Variants in MYO3B observed in about 807,000 individuals in gnomAD.
MYO3B encodes the protein myosin IIIB, also known as myosin-IIIb.
In MYO3B, 156 loss-of-function variants were observed where a neutral mutation model predicts 174.6. The observed-to-expected ratio is 0.89, with a 90% CI of 0.78 to 1.02. The LOEUF is 1.02. Among genes scored for constraint, MYO3B ranks in the 50% least tolerant of loss-of-function variants. MYO3B has a pLI of 0.00. For synonymous variants in MYO3B, 563 were observed against 569.1 expected, an observed-to-expected ratio of 0.99 and a Z score of 0.15; for missense variants, 1,632 against 1,639.4, an observed-to-expected ratio of 1.00 and a Z score of 0.08.
intron 1 of MYO3B, among the ~76,000 whole-genome samples, chr2:170,180,872 T>G (rs2092390516): frequency 6.6e-6 from 1 of 152,218 alleles, no homozygotes; most frequent in Non-Finnish European, 1.5e-5. Context: ...CTATACACTA[T>G]TCAACACTTT....
chr2:170,366,488 C>G (rs1468308817), intron 8 of MYO3B, among the ~76,000 whole-genome samples: 2 of 151,754 alleles, frequency 1.3e-5, no homozygotes, highest in Non-Finnish European at 2.9e-5. Context: ...GAGATGAGGT[C>G]TCACTATGTT....
chr2:170,491,615 C>A (rs1000657384), intron 25 of MYO3B, among the ~76,000 whole-genome samples: 1 of 152,104 alleles, frequency 6.6e-6, no homozygotes, highest in African/African-American at 2.4e-5. Context: ...TTAGTAGAGA[C>A]GGGGTTTCAC....
chr2:170,518,910 G>C (rs559590531), intron 29 of MYO3B, among the ~76,000 whole-genome samples: 13 of 152,196 alleles, frequency 8.5e-5, no homozygotes, highest in Non-Finnish European at 1.8e-4. Flanking sequence ...AGAAAGAATT[G>C]TATTTGTTAC....
chr2:170,469,767 A>T (rs1684856724), intron 25 of MYO3B, among the ~76,000 whole-genome samples: 1 of 152,154 alleles, frequency 6.6e-6, no homozygotes, highest in East Asian at 1.9e-4. Flanking sequence ...TTAACAGCTC[A>T]ATTTAGATAT....
chr2:170,228,054 A>G (rs1300332867), intron 6 of MYO3B, among the ~76,000 whole-genome samples: 4 of 152,176 alleles, frequency 2.6e-5, no homozygotes, highest in Non-Finnish European at 5.9e-5. Flanking sequence ...GTGAAGGGAC[A>G]GGGAAGTGAG....
chr2:170,396,518 G>A lies in MYO3B; in HGVS notation c.1792-3670G>A, dbSNP rs143639942. Among the ~76,000 whole-genome samples the A allele has an allele frequency of 1.3e-4, 20 of 152,264 alleles. No homozygotes were observed. In the East Asian group the frequency reaches 3.1e-3, roughly 23 times the overall value. On this transcript the variant is annotated intron_variant, in intron 16 of 34. Coordinates refer to ENST00000408978, the MANE Select transcript of MYO3B (RefSeq NM_138995.5). ...AGAAATATAAACTCCTTAATAAGGTGAGCATTGGTTACCCCGCTGTTAGTT... is the reference window on the plus strand; with the variant it reads ...AGAAATATAAACTCCTTAATAAGGTAAGCATTGGTTACCCCGCTGTTAGTT...
chr2:170,545,375 G>A (rs1015754140), intron 32 of MYO3B, among the ~76,000 whole-genome samples: 3 of 152,208 alleles, frequency 2.0e-5, no homozygotes, highest in Admixed American at 2.0e-4. Flanking sequence ...GCTAGTGTAA[G>A]TAAAAGGCAT....
At chr2:170,523,081 G>T (rs1044261939) in intron 30 of MYO3B, among the ~76,000 whole-genome samples, 5 of 152,140 alleles carry the variant, frequency 3.3e-5, no homozygotes, top group Non-Finnish European at 7.3e-5. Context: ...ACCACACTTT[G>T]GTGTTTCAAT....
At chr2:170,274,668 A>G (rs1340679125) in intron 7 of MYO3B, among the ~76,000 whole-genome samples, 2 of 152,246 alleles carry the variant, frequency 1.3e-5, no homozygotes, top group Middle Eastern at 3.4e-3. Context: ...AATGTTCTAT[A>G]TCTTGATTCT....
At chr2:170,417,371 G>A (rs894072655) in intron 22 of MYO3B, among the ~76,000 whole-genome samples, 1 of 152,186 alleles carries the variant, frequency 6.6e-6, no homozygotes, top group Non-Finnish European at 1.5e-5. Context: ...CCTTGACCCA[G>A]AGCAGTGCCC....
At chr2:170,639,987 A>C (rs557139966) in intron 32 of MYO3B, among the ~76,000 whole-genome samples, 2 of 152,354 alleles carry the variant, frequency 1.3e-5, no homozygotes, top group Admixed American at 6.5e-5. Flanking sequence ...TCCGCCATCC[A>C]GAATTCCTTT....
intron 25 of MYO3B, among the ~76,000 whole-genome samples, chr2:170,473,703 A>G (rs968957067): frequency 2.6e-5 from 4 of 152,202 alleles, no homozygotes; most frequent in African/African-American, 9.7e-5. Context: ...AGAAGTTAAT[A>G]CATTGAAAGG....
At chr2:170,488,462 T>C (rs904144806) in intron 25 of MYO3B, among the ~76,000 whole-genome samples, 3 of 152,154 alleles carry the variant, frequency 2.0e-5, no homozygotes, top group African/African-American at 7.2e-5. Flanking sequence ...ACTTCTTTCT[T>C]TCCCTTGTTA....
Position 170,594,827 on chromosome 2 carries a change from G to GCACACACA in MYO3B, c.3733+50863_3733+50870dup, listed in dbSNP as rs3047151. Among the ~76,000 whole-genome samples the GCACACACA allele has an allele frequency of 3.0e-3, 399 of 135,184 alleles. 3 individuals carry two copies. The highest frequency in any genetic ancestry group is 0.011 in the African/African-American group (367 of 34,226). The allele number at this position is 135,184 out of a possible 152,430, so 88.7% of individuals were successfully genotyped here. ...GAGTATGCACTCTTTCCCAGCGCGC[G>GCACACACA]CACACACACACACACACACACACAC... On this transcript the variant is annotated intron_variant, in intron 32 of 34. Coordinates refer to ENST00000408978, the MANE Select transcript of MYO3B (RefSeq NM_138995.5).
At chr2:170,619,651 A>G (rs1243927027) in intron 32 of MYO3B, among the ~76,000 whole-genome samples, 1 of 149,368 alleles carries the variant, frequency 6.7e-6, no homozygotes, top group Non-Finnish European at 1.5e-5. Context: ...TCCCCTGGAG[A>G]GAGTGAGAGA....
intron 6 of MYO3B, 105 bp from the exon 7 acceptor site, chr2:170,235,886 G>A (rs996529699): frequency 1.2e-5 from 17 of 1,369,062 alleles, no homozygotes; most frequent in South Asian, 2.5e-5. Context: ...CAATATCATC[G>A]TGGCCAAGAA....
intron 32 of MYO3B, among the ~76,000 whole-genome samples, chr2:170,637,139 A>G (rs1697566282): frequency 6.8e-6 from 1 of 147,746 alleles, no homozygotes; most frequent in Non-Finnish European, 1.5e-5. Flanking sequence ...GCTTATAGCT[A>G]TACTGATCAG....
At chr2:170,201,980 A>G (rs955438095) in intron 3 of MYO3B, among the ~76,000 whole-genome samples, 1 of 152,188 alleles carries the variant, frequency 6.6e-6, no homozygotes, top group African/African-American at 2.4e-5. Flanking sequence ...CGAGGGCCTA[A>G]AAAGGAGCCT....
At chr2:170,228,325 C>G (rs532700562) in intron 6 of MYO3B, among the ~76,000 whole-genome samples, 1 of 152,300 alleles carries the variant, frequency 6.6e-6, no homozygotes, top group Admixed American at 6.5e-5. Flanking sequence ...CCTCAGTTTT[C>G]TCTTCTGTAA....
Sources: gnomAD v4.1 joint callset for allele counts (sites outside exome capture counted in the v4.1 genomes callset) on GRCh38, gnomAD v4.1.1 for gene constraint, MANE v1.5 for transcripts, NCBI Gene and HGNC (gene_info 2026-07-23, HGNC 2026-07-21) for gene names.